The following CSMD2 variants were observed in gnomAD, a reference collection of about 807,000 sequenced individuals.
CSMD2 encodes the protein CUB and sushi domain-containing protein 2.
A neutral mutation model predicts 398.5 loss-of-function variants in CSMD2; 130 were observed. That is an observed-to-expected ratio of 0.33 (90% CI 0.28 to 0.38). The LOEUF (loss-of-function observed/expected upper bound fraction) is 0.38. Ranked by LOEUF, CSMD2 falls within the 10% of genes least tolerant of loss-of-function variation. The pLI is 1.00. For synonymous variants in CSMD2, 1,828 were observed against 1,908.5 expected (o/e 0.96, Z 1.10); for missense variants, 3,829 against 4,764.9 (o/e 0.80, Z 5.78).
chr1:33,521,121 G>T (rs1654238622), intron 68 of CSMD2, among the ~76,000 whole-genome samples: 1 of 152,200 alleles, frequency 6.6e-6, no homozygotes, highest in African/African-American at 2.4e-5. Context: ...ACACTCCACA[G>T]TGTCGTTGTT....
intron 13 of CSMD2, among the ~76,000 whole-genome samples, chr1:33,760,205 C>T (rs796312884): frequency 2.4e-4 from 37 of 152,360 alleles, no homozygotes; most frequent in African/African-American, 8.9e-4. Context: ...ATTGTCCCCA[C>T]CAAACCATTC....
At chr1:33,792,307 C>T (rs1217115445) in intron 11 of CSMD2, 116 bp downstream of exon 11, 4 of 740,798 alleles carry the variant, frequency 5.4e-6, no homozygotes, top group Non-Finnish European at 7.4e-6. Context: ...AGGAACATTG[C>T]AGGATACTGT....
chr1:33,777,462 G>A (rs1018912414), intron 12 of CSMD2, among the ~76,000 whole-genome samples: 7 of 152,168 alleles, frequency 4.6e-5, no homozygotes, highest in East Asian at 3.9e-4. Context: ...GACCACGGCC[G>A]CTGCCTTCCT....
At chr1:33,843,542 G>A (rs973666481) in intron 6 of CSMD2, among the ~76,000 whole-genome samples, 2 of 152,206 alleles carry the variant, frequency 1.3e-5, no homozygotes, top group African/African-American at 4.8e-5. Flanking sequence ...TCCAATGCCA[G>A]TGATTCTTCC....
intron 1 of CSMD2, among the ~76,000 whole-genome samples, chr1:34,105,370 TA>T (rs1368669262): frequency 2.6e-5 from 4 of 152,186 alleles, no homozygotes; most frequent in East Asian, 3.9e-4. Context: ...AAATGTCCCC[TA>T]GGGGGAAAAT....
At chr1:34,105,860 T>G (rs1343524962) in intron 1 of CSMD2, among the ~76,000 whole-genome samples, 2 of 152,188 alleles carry the variant, frequency 1.3e-5, no homozygotes. Flanking sequence ...CAGTGACAAA[T>G]TCACAGGTAC....
At chr1:33,723,109 T>C (rs1464644187) in intron 19 of CSMD2, among the ~76,000 whole-genome samples, 1 of 152,228 alleles carries the variant, frequency 6.6e-6, no homozygotes, top group Non-Finnish European at 1.5e-5. Context: ...ACGTCTTATT[T>C]GTATGTCCAC....
At chr1:33,662,845 G>T in intron 26 of CSMD2, 45 bp downstream of exon 26, 1 of 1,551,400 alleles carries the variant, frequency 6.4e-7, no homozygotes, top group Non-Finnish European at 8.9e-7. Context: ...TGGGTGCCAT[G>T]TGTCAGGACA....
intron 1 of CSMD2, among the ~76,000 whole-genome samples, chr1:34,125,290 G>A (rs1431257075): frequency 2.0e-5 from 3 of 152,192 alleles, no homozygotes; most frequent in Non-Finnish European, 1.5e-5. Context: ...AGGTAGAGAG[G>A]GAAGGACATG....
intron 2 of CSMD2, among the ~76,000 whole-genome samples, chr1:34,032,947 T>G (rs1208790880): frequency 6.6e-6 from 1 of 152,224 alleles, no homozygotes; most frequent in Non-Finnish European, 1.5e-5. Context: ...GCCTGCTTCC[T>G]TTGTGTTTCC....
At chr1:33,693,157 C>T in intron 24 of CSMD2, 101 bp from the exon 25 acceptor site, 4 of 1,347,680 alleles carry the variant, frequency 3.0e-6, no homozygotes, top group Non-Finnish European at 4.0e-6. Flanking sequence ...TCCCTTCCCT[C>T]TCCCATTCAT....
intron 5 of CSMD2, among the ~76,000 whole-genome samples, chr1:33,909,963 TG>T (rs1423852990): frequency 6.6e-5 from 10 of 152,178 alleles, no homozygotes; most frequent in African/African-American, 2.2e-4. Context: ...CTTCTTCTCC[TG>T]TGTTCCTCTC....
In CSMD2 at chr1:33,646,735, G is replaced by A. The variant is rs1557670319; in HGVS notation, c.4687C>T (p.Arg1563Cys). 1.2e-6 allele frequency: 2 copies of A among 1,614,158 alleles called. No homozygotes were observed. The highest frequency in any genetic ancestry group is 8.5e-7 in the Non-Finnish European group (1 of 1,180,034). The change falls in exon 29 of 71, where the codon CGC (arginine) becomes TGC (cysteine). Residue 1563 changes from arginine (R) to cysteine (C), a missense_variant. By Grantham distance (180) the Arg-to-Cys change is radical. Around this residue, in one of 5 missense-constraint regions of CSMD2, gnomAD observed 2,001 missense variants for 2,567.1 expected, o/e 0.78. Coordinates refer to ENST00000373381, the MANE Select transcript of CSMD2 (RefSeq NM_001281956.2). ...AGGCTGTTGCTGCTGCTTTCAATGC[G>A]GCCTGGGAGCTGGGAGCCATAGAAG... is the stretch of plus-strand genomic sequence containing the variant. ...GSFYGSQLPG[R>C]IESSSNSLFL...
chr1:33,895,758 T>C (rs1267774201), intron 5 of CSMD2, among the ~76,000 whole-genome samples: 1 of 152,156 alleles, frequency 6.6e-6, no homozygotes, highest in Non-Finnish European at 1.5e-5. Flanking sequence ...AGGCATGGGA[T>C]GCAGGCTGTT....
Position 33,611,042 on chromosome 1 carries a change from C to T in CSMD2, c.6342G>A (p.Gln2114=), listed in dbSNP as rs751749608. The T allele has an allele frequency of 5.0e-6, 8 of 1,613,620 alleles. No individual in the cohort carries two copies. The highest frequency in any genetic ancestry group is 2.2e-5 in the South Asian group (2 of 90,834). ...QNRPGFKLEY[Q]AYELQECPDP... The stretch of plus-strand genomic sequence containing the variant: ...AAAGGCGGTGCTCCTTGTCCTTACC[C>T]TGATACTCCAGCTTGAATCCTGGCC... Residue 2114 remains glutamine, a splice_region_variant and synonymous_variant, in exon 41 of 71, where the codon CAG becomes CAA. Transcript: ENST00000373381.
chr1:33,748,746 AAATAT>A (rs1248507827), intron 13 of CSMD2, among the ~76,000 whole-genome samples: 1 of 152,204 alleles, frequency 6.6e-6, no homozygotes, highest in Non-Finnish European at 1.5e-5. Flanking sequence ...AGACAAAATA[AAATAT>A]ACTACCCTGA....
intron 51 of CSMD2, 135 bp from the exon 52 acceptor site, chr1:33,569,682 T>G: frequency 1.1e-6 from 1 of 872,564 alleles, no homozygotes. Context: ...GAATATGGGT[T>G]GTGTTGCTGA....
intron 26 of CSMD2, among the ~76,000 whole-genome samples, 172 bp downstream of exon 26, chr1:33,662,718 G>A (rs1477403877): frequency 2.0e-5 from 3 of 152,154 alleles, no homozygotes; most frequent in Non-Finnish European, 2.9e-5. Flanking sequence ...CCCTACCAGA[G>A]TGAGCTCAGC....
At chr1:33,780,582 C>G (rs565656427) in intron 12 of CSMD2, among the ~76,000 whole-genome samples, 3 of 152,346 alleles carry the variant, frequency 2.0e-5, no homozygotes, top group Middle Eastern at 3.4e-3. Context: ...TAGCCCCAAA[C>G]TAAAGCTTAC....
Sources: gnomAD v4.1 joint callset for allele counts (sites outside exome capture counted in the v4.1 genomes callset) on GRCh38, gnomAD v4.1.1 for gene constraint, gnomAD v4.1.1 regional missense constraint, MANE v1.5 for transcripts, NCBI Gene and HGNC (gene_info 2026-07-23, HGNC 2026-07-21) for gene names.